The following PHF3 variants were observed in gnomAD, a reference collection of about 807,000 sequenced individuals.
PHF3 encodes PHD finger protein 3.
PHF3 carries 41 observed loss-of-function variants against 178.4 expected under a neutral mutation model. The ratio of observed to expected loss-of-function variants is 0.23; its 90% CI spans 0.18 to 0.30. The LOEUF (loss-of-function observed/expected upper bound fraction) is 0.30. Ranked by LOEUF, PHF3 falls within the 10% of genes least tolerant of loss-of-function variation. The pLI is 1.00. For missense variants in PHF3, 2,346 were observed against 2,398.1 expected (o/e 0.98, Z 0.45); for synonymous variants, 842 against 800.5 (o/e 1.05, Z -0.88).
At chr6:63,641,877 C>T (rs770177644) in intron 1 of PHF3, among the ~76,000 whole-genome samples, 1 of 152,136 alleles carries the variant, frequency 6.6e-6, no homozygotes, top group Non-Finnish European at 1.5e-5. Context: ...ATCTGCCCGC[C>T]TCGTCCTCCC....
chr6:63,665,195 G>A lies in PHF3; in HGVS notation c.245-14805G>A, dbSNP rs1200283225. 3.9e-5 allele frequency among the ~76,000 whole-genome samples: 6 copies of A among 151,970 alleles called. No homozygotes were observed. In the East Asian group the frequency reaches 1.2e-3, roughly 29 times the overall value. ...TTTTTTCTTTTTAAAGTAAGAAAAA[G>A]AGTTTCTTTCTTATCACTAAAATAT... On this transcript the variant is annotated intron_variant, in intron 2 of 15. Transcript: ENST00000262043.
intron 6 of PHF3, among the ~76,000 whole-genome samples, chr6:63,697,332 T>C (rs1264667930): frequency 6.6e-6 from 1 of 152,096 alleles, no homozygotes; most frequent in African/African-American, 2.4e-5. Context: ...AAAAAGATTG[T>C]AGTTGAGAAG....
At chr6:63,654,889 CTT>C (rs34787470) in intron 2 of PHF3, among the ~76,000 whole-genome samples, 1 of 94,752 alleles carries the variant, frequency 1.1e-5, no homozygotes, top group Non-Finnish European at 2.0e-5. Flanking sequence ...ATTAGGTGAC[CTT>C]TTTTTTTTTT....
chr6:63,686,604 A>C (rs1766717962), intron 4 of PHF3, among the ~76,000 whole-genome samples: 1 of 152,172 alleles, frequency 6.6e-6, no homozygotes, highest in African/African-American at 2.4e-5. Context: ...ATGACACTGC[A>C]CCCCTCAATC....
intron 8 of PHF3, among the ~76,000 whole-genome samples, chr6:63,700,100 G>A (rs2149600184): frequency 6.6e-6 from 1 of 152,186 alleles, no homozygotes; most frequent in Admixed American, 6.5e-5. Flanking sequence ...CAACTTTTGG[G>A]TAGGTATTGT....
chr6:63,645,564 T>C (rs536105971), intron 1 of PHF3, among the ~76,000 whole-genome samples: 4 of 152,284 alleles, frequency 2.6e-5, no homozygotes, highest in South Asian at 4.2e-4. Flanking sequence ...AATCTTGGAA[T>C]TAAGGAGCCC....
At chr6:63,678,567 T>TC (rs1582059804) in intron 2 of PHF3, among the ~76,000 whole-genome samples, 1 of 152,074 alleles carries the variant, frequency 6.6e-6, no homozygotes, top group Non-Finnish European at 1.5e-5. Flanking sequence ...ATAATTTTCA[T>TC]CTGTTTTCTG....
Position 63,684,779 on chromosome 6 carries a change from C to G in PHF3, c.1057C>G (p.Pro353Ala). The part of the protein sequence containing the change: ...DISSDAACTN[P>A]NKTENSLVGL... ...TTCTAGTGATGCTGCTTGTACAAAT[C>G]CAAATAAGACAGAAAACAGCCTTGT... Residue 353 changes from proline to alanine, a missense_variant, in exon 4 of 16, where the codon CCA becomes GCA. Pro to Ala is a conservative substitution (Grantham distance 27). Transcript: ENST00000262043. 6.2e-7 allele frequency: 1 copy of G among 1,613,944 alleles called. No individual in the cohort carries two copies. Among genetic ancestry groups the G allele is most frequent in the Non-Finnish European group, 8.5e-7 (1 of 1,179,902 alleles).
chr6:63,706,685 T>G (rs764290913), intron 12 of PHF3, 44 bp from the exon 13 acceptor site: 10 of 1,587,774 alleles, frequency 6.3e-6, no homozygotes, highest in Non-Finnish European at 8.6e-6. Context: ...GGACATTGAT[T>G]TATTCATCAG....
chr6:63,677,692 T>G (rs932430733), intron 2 of PHF3, among the ~76,000 whole-genome samples: 1 of 152,182 alleles, frequency 6.6e-6, no homozygotes, highest in Non-Finnish European at 1.5e-5. Context: ...ATGCTCATTA[T>G]AGAAAACTTG....
chr6:63,661,365 A>T (rs2149556245), intron 2 of PHF3, among the ~76,000 whole-genome samples: 1 of 152,312 alleles, frequency 6.6e-6, no homozygotes, highest in East Asian at 1.9e-4. Context: ...CAGGTGGGGT[A>T]CAACTTTGCC....
Position 63,715,589 on chromosome 6 carries a change from C to T in PHF3, c.*1881C>T, listed in dbSNP as rs933412915. On this transcript the variant is annotated 3_prime_UTR_variant, in exon 16 of 16. Transcript: ENST00000262043. Reference sequence around the variant, plus strand: ...CTTTTAGGTCAGTTTTTGATCACCTCTTCGCTAATAGTTTTTTCTACATAT... The same window carrying T: ...CTTTTAGGTCAGTTTTTGATCACCTTTTCGCTAATAGTTTTTTCTACATAT... 2.6e-5 allele frequency: 4 copies of T among 152,110 alleles called. No individual in the cohort carries two copies. Among genetic ancestry groups the T allele is most frequent in the Admixed American group, 6.6e-5 (1 of 15,236 alleles). 9.4% of individuals were successfully genotyped at this position (152,110 alleles called of 1,614,324 possible). A position where few individuals can be genotyped will look rare whatever the true frequency, so the allele number is the denominator to read the frequency against.
intron 2 of PHF3, among the ~76,000 whole-genome samples, chr6:63,663,747 T>C (rs757055924): frequency 1.3e-5 from 2 of 152,140 alleles, no homozygotes; most frequent in Non-Finnish European, 2.9e-5. Flanking sequence ...AGGAAGTGAC[T>C]GAGAGCTAGT....
rs2149614773 is a variant in PHF3, at chr6:63,713,486, CAAAGAT to C, written c.5904_5909del (p.Asp1968_Lys1969del). ...ACAGAAAAAGCAGGGAGGAAGGGCA[CAAAGAT>C]AAAGAGAGGGCACGGTTATCACATG... On this transcript the variant is annotated inframe_deletion, in exon 16 of 16. Transcript: ENST00000262043. 6.2e-7 allele frequency: 1 copy of C among 1,613,228 alleles called. No individual in the cohort carries two copies.
At chr6:63,639,780 A>T (rs543064479) in intron 1 of PHF3, among the ~76,000 whole-genome samples, 5 of 152,214 alleles carry the variant, frequency 3.3e-5, no homozygotes, top group Non-Finnish European at 7.4e-5. Flanking sequence ...AGGGCCTGGC[A>T]TATAGTGTGT....
chr6:63,655,598 T>C (rs2149549725), intron 2 of PHF3, among the ~76,000 whole-genome samples: 1 of 152,318 alleles, frequency 6.6e-6, no homozygotes, highest in South Asian at 2.1e-4. Flanking sequence ...AAATGATTTT[T>C]TATGTTCACT....
rs1582131389 is a variant in PHF3, at chr6:63,713,567, C to T, written c.5979C>T (p.Asp1993=). ...CAAGCAGAGATAGTAGGAATGTAGA[C>T]AAGAAGCCAGATAAACCTAAAAGTG... ...GKASRDSRNV[D]KKPDKPKSED... is the part of the protein sequence containing the mutation. Residue 1993 remains aspartate (D), a synonymous_variant, in exon 16 of 16, where the codon GAC becomes GAT. Coordinates refer to ENST00000262043, the MANE Select transcript of PHF3 (RefSeq NM_001370348.2). The T allele has an allele frequency of 2.5e-6, 4 of 1,613,394 alleles. No individual in the cohort carries two copies. Among genetic ancestry groups the T allele is most frequent in the Non-Finnish European group, 3.4e-6 (4 of 1,179,824 alleles).
In PHF3 at chr6:63,703,490, C is replaced by T; in HGVS notation, c.3232-46C>T. ...TATAAATTGATTTTGATAATTGAGG[C>T]CAAATTTTATCAGCTAAAACTAATT... On this transcript the variant is annotated intron_variant, in intron 10 of 15. Transcript: ENST00000262043. The T allele has an allele frequency of 3.2e-6, 5 of 1,566,924 alleles. No homozygotes were observed. In the South Asian group the frequency reaches 3.6e-5, roughly 11 times the overall value.
At chr6:63,688,971 T>G (rs748552339) in intron 4 of PHF3, among the ~76,000 whole-genome samples, 8 of 152,244 alleles carry the variant, frequency 5.3e-5, no homozygotes, top group Non-Finnish European at 1.2e-4. Context: ...TTTCCTTGTG[T>G]GTGCTCCCAG....
Sources: allele counts gnomAD v4.1 joint callset (sites outside exome capture counted in the v4.1 genomes callset), GRCh38; gene constraint gnomAD v4.1.1; transcripts MANE v1.5; gene names NCBI Gene and HGNC (gene_info 2026-07-23, HGNC 2026-07-21).